The following JAZF1 variants were observed in gnomAD, a reference collection of about 807,000 sequenced individuals.
JAZF1 encodes JAZF zinc finger 1.
Under a neutral mutation model 26.4 loss-of-function variants are expected in JAZF1, and 8 were observed. The observed-to-expected ratio is 0.30, with a 90% CI of 0.18 to 0.55. The LOEUF (loss-of-function observed/expected upper bound fraction) is 0.55, where lower values mean the gene tolerates loss of function less well. Among genes scored for constraint, JAZF1 ranks in the 20% least tolerant of loss-of-function variants. The pLI is 0.94. For missense variants in JAZF1, 199 were observed against 322.0 expected, an observed-to-expected ratio of 0.62 and a Z score of 2.92; for synonymous variants, 126 against 122.3, an observed-to-expected ratio of 1.03 and a Z score of -0.20.
chr7:28,031,364 T>TG (rs1783186007), intron 1 of JAZF1, among the ~76,000 whole-genome samples: 1 of 152,126 alleles, frequency 6.6e-6, no homozygotes, highest in Non-Finnish European at 1.5e-5. Context: ...ATGGTGATGG[T>TG]GGGGGATGAC....
rs759047365 is a variant in JAZF1 at position 28,158,168 on chromosome 7, A to AACACAC, written c.115+22289_115+22294dup. ...ACGCGCGCACACACACACACACACA[A>AACACAC]ACACACACACACACACACAGAGAGA... is the stretch of plus-strand genomic sequence containing the variant. On this transcript the variant is annotated intron_variant, in intron 1 of 4. Coordinates refer to ENST00000283928, the MANE Select transcript of JAZF1 (RefSeq NM_175061.4). Among the ~76,000 whole-genome samples, 629 of 142,440 alleles carry AACACAC rather than the reference A, an allele frequency of 4.4e-3. 4 individuals are homozygous for AACACAC. The highest frequency in any genetic ancestry group is 4.9e-3 in the Non-Finnish European group (321 of 65,444). The allele number at this position is 142,440 out of a possible 152,430, so 93.4% of individuals were successfully genotyped here.
rs79264227 is a variant in JAZF1, at chr7:28,052,481, G to A, written c.116-60500C>T. Among the ~76,000 whole-genome samples, 13 of 152,298 alleles carry A rather than the reference G, an allele frequency of 8.5e-5. No individual in the cohort carries two copies. The East Asian group carries it at 2.5e-3, about 29-fold the overall frequency. On this transcript the variant is annotated intron_variant, in intron 1 of 4. Coordinates refer to ENST00000283928, the MANE Select transcript of JAZF1 (RefSeq NM_175061.4). ...ATTGACCCCATCATTTTACTTCAGT[G>A]CAAAGCAGACAATCTACACTCAAGA...
intron 1 of JAZF1, among the ~76,000 whole-genome samples, chr7:28,099,502 G>A (rs991915765): frequency 6.6e-6 from 1 of 151,940 alleles, no homozygotes; most frequent in Non-Finnish European, 1.5e-5. Flanking sequence ...TTGAGACAGA[G>A]TTTCGCTCTT....
chr7:28,016,813 T>A (rs1198523313), intron 1 of JAZF1, among the ~76,000 whole-genome samples: 1 of 152,168 alleles, frequency 6.6e-6, no homozygotes, highest in Admixed American at 6.5e-5. Flanking sequence ...ATTCTTTCAT[T>A]CAACCAATAT....
intron 3 of JAZF1, among the ~76,000 whole-genome samples, chr7:27,870,070 G>A (rs928156401): frequency 1.1e-4 from 16 of 141,056 alleles, no homozygotes; most frequent in African/African-American, 3.7e-4. Flanking sequence ...TGCCACACCC[G>A]GTTAATTTTT....
intron 1 of JAZF1, among the ~76,000 whole-genome samples, chr7:28,174,695 A>C (rs1248026865): frequency 7.9e-6 from 1 of 126,588 alleles, no homozygotes; most frequent in Admixed American, 8.0e-5. Context: ...GTGATGTTTT[A>C]TAAAGGATGA....
intron 2 of JAZF1, among the ~76,000 whole-genome samples, chr7:27,942,760 C>T (rs1427824475): frequency 1.3e-5 from 2 of 152,144 alleles, no homozygotes; most frequent in Non-Finnish European, 2.9e-5. Context: ...AAAATGTTCC[C>T]CACACCGTTA....
chr7:28,056,480 AG>A (rs1783713610), intron 1 of JAZF1, among the ~76,000 whole-genome samples: 15 of 150,396 alleles, frequency 1.0e-4, no homozygotes, highest in African/African-American at 3.4e-4. Context: ...ACACACAATA[AG>A]AAAGAAATTC....
intron 3 of JAZF1, among the ~76,000 whole-genome samples, chr7:27,876,053 A>G (rs1457071069): frequency 2.0e-5 from 3 of 152,142 alleles, no homozygotes. Context: ...ATGTTACCTA[A>G]TGTCTCTTAC....
At chr7:28,138,209 T>C (rs1028055039) in intron 1 of JAZF1, among the ~76,000 whole-genome samples, 3 of 152,206 alleles carry the variant, frequency 2.0e-5, no homozygotes, top group Non-Finnish European at 4.4e-5. Flanking sequence ...AAGCACATAT[T>C]TTCAAAAGCC....
At chr7:27,864,687 C>A (rs1783444546) in intron 3 of JAZF1, among the ~76,000 whole-genome samples, 1 of 152,024 alleles carries the variant, frequency 6.6e-6, no homozygotes, top group Non-Finnish European at 1.5e-5. Flanking sequence ...TGTTTCAGGT[C>A]TCATTTCTTA....
intron 2 of JAZF1, among the ~76,000 whole-genome samples, chr7:27,972,290 A>G (rs1785387295): frequency 6.6e-6 from 1 of 152,192 alleles, no homozygotes; most frequent in Admixed American, 6.5e-5. Flanking sequence ...AGACTAAAAG[A>G]AGGGGAGGAC....
intron 2 of JAZF1, among the ~76,000 whole-genome samples, chr7:27,898,591 C>G (rs189116380): frequency 3.3e-5 from 5 of 152,120 alleles, no homozygotes; most frequent in Admixed American, 2.0e-4. Flanking sequence ...GAACTCATAC[C>G]TCTTGTTGTA....
chr7:27,920,868 T>G (rs966340575), intron 2 of JAZF1, among the ~76,000 whole-genome samples: 4 of 152,200 alleles, frequency 2.6e-5, no homozygotes, highest in African/African-American at 7.2e-5. Context: ...TTAATTAATT[T>G]CCTAATGTAA....
rs113349454 is a variant in JAZF1, at chr7:27,948,530, A to C, written c.188+43379T>G. Among the ~76,000 whole-genome samples, 1,275 of 152,296 alleles carry C rather than the reference A, an allele frequency of 8.4e-3. 21 individuals carry two copies. The highest frequency in any genetic ancestry group is 0.029 in the African/African-American group (1,220 of 41,554). On this transcript the variant is annotated intron_variant, in intron 2 of 4. Transcript: ENST00000283928. ...AAATCAAAACCTTGTAAGAGTCTGT[A>C]ATTACCCTGACAGCAATGACTTATC...
Position 27,840,942 on chromosome 7 carries a change from CAGG to C in JAZF1, c.386-78_386-76del. 1 of 1,517,080 alleles carries C rather than the reference CAGG, an allele frequency of 6.6e-7. No individual in the cohort carries two copies. Among genetic ancestry groups the C allele is most frequent in the South Asian group, 1.2e-5 (1 of 84,764 alleles). The allele number at this position is 1,517,080 out of a possible 1,614,324, so 94.0% of individuals were successfully genotyped here. ...CAGGTTCACCCGGCCACTTCCAGGA[CAGG>C]AGATGTGGCCGTGGCAGAGCAGCGC... On this transcript the variant is annotated intron_variant, in intron 3 of 4. Transcript: ENST00000283928. The surrounding 1 kb of genome is among the most constrained non-coding windows in gnomAD (Gnocchi z 5.1).
intron 1 of JAZF1, among the ~76,000 whole-genome samples, chr7:28,007,926 T>G (rs1273509593): frequency 6.6e-6 from 1 of 152,158 alleles, no homozygotes; most frequent in African/African-American, 2.4e-5. Flanking sequence ...CTTCATAGAA[T>G]GCTGGAATGC....
At chr7:27,857,418 G>A (rs912605628) in intron 3 of JAZF1, among the ~76,000 whole-genome samples, 1 of 152,192 alleles carries the variant, frequency 6.6e-6, no homozygotes, top group African/African-American at 2.4e-5. Context: ...ACAAGCTGAG[G>A]AAGCTGGCTC....
At chr7:28,051,506 C>T (rs925503290) in intron 1 of JAZF1, among the ~76,000 whole-genome samples, 1 of 152,082 alleles carries the variant, frequency 6.6e-6, no homozygotes, top group African/African-American at 2.4e-5. Flanking sequence ...GCCACCGCAT[C>T]CGGCTGTGAG....
Sources: allele counts gnomAD v4.1 joint callset (sites outside exome capture counted in the v4.1 genomes callset), GRCh38; gene constraint gnomAD v4.1.1; non-coding constraint Gnocchi (gnomAD v3.1); transcripts MANE v1.5; gene names NCBI Gene and HGNC (gene_info 2026-07-23, HGNC 2026-07-21).